Variants in PCDHGB5 observed in about 807,000 individuals in gnomAD.
The protein encoded by PCDHGB5 is protocadherin gamma-B5.
Under a neutral mutation model 62.9 loss-of-function variants are expected in PCDHGB5, and 48 were observed. That is an observed-to-expected ratio of 0.76 (90% CI 0.61 to 0.97). The LOEUF (loss-of-function observed/expected upper bound fraction) is 0.97. Among genes scored for constraint, PCDHGB5 ranks in the 50% least tolerant of loss-of-function variants. PCDHGB5 has a pLI of 0.00. For synonymous variants in PCDHGB5, 474 were observed against 511.2 expected, an observed-to-expected ratio of 0.93 and a Z score of 0.98; for missense variants, 1,118 against 1,198.6, an observed-to-expected ratio of 0.93 and a Z score of 0.99.
intron 1 of PCDHGB5, among the ~76,000 whole-genome samples, chr5:141,460,110 A>G (rs966038979): frequency 2.0e-5 from 3 of 151,894 alleles, no homozygotes; most frequent in African/African-American, 7.2e-5. Context: ...ATTATATATG[A>G]TTTTTATATA....
rs777568111 is a variant in PCDHGB5 at position 141,404,292 on chromosome 5, A to G, written c.2397+3768A>G. On this transcript the variant is annotated intron_variant, in intron 1 of 3. Coordinates refer to ENST00000617380, the MANE Select transcript of PCDHGB5 (RefSeq NM_018925.3). ...ACCCTGCAAGTGACTGACATCAATG[A>G]TAATCCACCTGCTTTCTCTCAAGCC... 2.5e-6 allele frequency: 4 copies of G among 1,613,864 alleles called. No homozygotes were observed. Among genetic ancestry groups the G allele is most frequent in the South Asian group, 1.1e-5 (1 of 91,082 alleles).
At position 141,399,508 on chromosome 5, in the gene PCDHGB5, A is replaced by C. The variant is rs780948105; in HGVS notation, c.1381A>C (p.Asn461His). ...CTACTTAGTCAGTGTACCCGAAAAC[A>C]ACCCTCCTGGGGCCTCCATCGCGCA... ...ASYLVSVPEN[N>H]PPGASIAQVC... Residue 461 changes from asparagine to histidine, a missense_variant, in exon 1 of 4, where the codon AAC (asparagine) becomes CAC (histidine). Coordinates refer to ENST00000617380, the MANE Select transcript of PCDHGB5 (RefSeq NM_018925.3). 3.2e-5 allele frequency: 51 copies of C among 1,613,904 alleles called. No homozygotes were observed. In the African/African-American group the frequency reaches 6.7e-4, roughly 21 times the overall value.
At chr5:141,442,417 T>A (rs2098323611) in intron 1 of PCDHGB5, 1 of 152,152 alleles carries the variant, frequency 6.6e-6, no homozygotes, top group Non-Finnish European at 1.5e-5. Flanking sequence ...TGAGTGAACT[T>A]CTTTTTTGAA....
At chr5:141,456,492 G>C (rs542424798) in intron 1 of PCDHGB5, among the ~76,000 whole-genome samples, 1 of 152,284 alleles carries the variant, frequency 6.6e-6, no homozygotes, top group African/African-American at 2.4e-5. Flanking sequence ...GCTTAATAAA[G>C]GGGTTAACCA....
rs141397385 is a variant in PCDHGB5 at position 141,476,135 on chromosome 5, A to C, written c.2398-18672A>C. 8.4e-4 allele frequency: 1,352 copies of C among 1,608,526 alleles called. 1 individual carries two copies. Among genetic ancestry groups the C allele is most frequent in the Non-Finnish European group, 1.1e-3 (1,319 of 1,178,332 alleles). On this transcript the variant is annotated intron_variant, in intron 1 of 3. Transcript: ENST00000617380. This position sits in a 1 kb window ranked among gnomAD's most constrained non-coding sequence, Gnocchi z 7.6. ...GAGTGAGATGGTCCCAGAGGCCTGG[A>C]GGAGCGGACTGGTAAGCACCGGGAG...
chr5:141,427,712 C>T, intron 1 of PCDHGB5: 2 of 1,051,468 alleles, frequency 1.9e-6, no homozygotes, highest in African/African-American at 1.6e-5. Context: ...GCGCCTCTGA[C>T]CTGGACCTAG....
intron 1 of PCDHGB5, among the ~76,000 whole-genome samples, chr5:141,467,075 C>A (rs2099136382): frequency 6.9e-6 from 1 of 145,470 alleles, no homozygotes; most frequent in Non-Finnish European, 1.5e-5. Flanking sequence ...TTTTTTTAGA[C>A]CAAGTCTCAC....
At chr5:141,501,423 A>G (rs1195105794) in intron 2 of PCDHGB5, among the ~76,000 whole-genome samples, 4 of 151,966 alleles carry the variant, frequency 2.6e-5, no homozygotes, top group African/African-American at 7.2e-5. Flanking sequence ...AGTTGACTAA[A>G]TGTAGTCCAT....
At chr5:141,427,898 C>T in intron 1 of PCDHGB5, 4 of 1,570,874 alleles carry the variant, frequency 2.5e-6, no homozygotes, top group African/African-American at 1.3e-5. Flanking sequence ...AGGGCTCGCC[C>T]GCGCTCAGCG....
chr5:141,408,443 A>G (rs1486863170), intron 1 of PCDHGB5: 1 of 1,613,956 alleles, frequency 6.2e-7, no homozygotes, highest in Non-Finnish European at 8.5e-7. Flanking sequence ...AGACGCGGAG[A>G]GCGGGGACTT....
In PCDHGB5 at chr5:141,399,010, G is replaced by C; in HGVS notation, c.883G>C (p.Gly295Arg). The C allele has an allele frequency of 6.2e-7, 1 of 1,613,844 alleles. No individual in the cohort carries two copies. The highest frequency in any genetic ancestry group is 8.5e-7 in the Non-Finnish European group (1 of 1,179,892). ...GQIFSLNSKS[G>R]EITTQKKLDF... The stretch of plus-strand genomic sequence containing the variant: ...AATCTTTAGTCTGAATTCAAAGAGC[G>C]GAGAAATTACCACTCAAAAGAAACT... Residue 295 changes from glycine to arginine, a missense_variant, in exon 1 of 4, where the codon GGA (glycine) becomes CGA (arginine). By Grantham distance (125) the Gly-to-Arg change is moderately radical (BLOSUM62 -2). This residue lies in a region of PCDHGB5 where 1,034 missense variants were observed against 1,029.1 expected (regional missense o/e 1.00). Coordinates refer to ENST00000617380, the MANE Select transcript of PCDHGB5 (RefSeq NM_018925.3).
rs2093763814 is a variant in PCDHGB5 at position 141,399,174 on chromosome 5, T to C, written c.1047T>C (p.Leu349=). The part of the protein sequence containing the change: ...NSPEVTFHSL[L]EMILENAVPG... ...CAGAAGTTACATTCCATTCTCTACT[T>C]GAAATGATTCTGGAAAACGCGGTGC... The change falls in exon 1 of 4, where the codon CTT becomes CTC. Residue 349 remains leucine, a synonymous_variant. Transcript: ENST00000617380. 6.2e-7 allele frequency: 1 copy of C among 1,613,700 alleles called. No homozygotes were observed. Among genetic ancestry groups the C allele is most frequent in the Admixed American group, 1.7e-5 (1 of 60,006 alleles).
intron 1 of PCDHGB5, among the ~76,000 whole-genome samples, chr5:141,452,745 G>A (rs1246578948): frequency 6.6e-6 from 1 of 152,054 alleles, no homozygotes; most frequent in African/African-American, 2.4e-5. Flanking sequence ...AGAGAGAGAA[G>A]GAAGAAGGAA....
chr5:141,473,299 G>T (rs182316672), intron 1 of PCDHGB5, among the ~76,000 whole-genome samples: 5 of 152,228 alleles, frequency 3.3e-5, no homozygotes, highest in Admixed American at 1.3e-4. Flanking sequence ...GTAGCATAAA[G>T]ATTGCTATAT....
In PCDHGB5 at chr5:141,398,744, G is replaced by C. The variant is rs1561665852; in HGVS notation, c.617G>C (p.Ser206Thr). 2 of 1,613,854 alleles carry C rather than the reference G, an allele frequency of 1.2e-6. No homozygotes were observed. The highest frequency in any genetic ancestry group is 4.5e-5 in the East Asian group (2 of 44,878). The change falls in exon 1 of 4, where the codon AGT becomes ACT. Residue 206 changes from serine (S) to threonine (T), a missense_variant. Ser to Thr is a moderately conservative substitution (Grantham distance 58). Transcript: ENST00000617380. Reference protein sequence around the residue: ...LEKTLDREQQSYHRLVLTALD... With the variant: ...LEKTLDREQQTYHRLVLTALD... ...AAAACCTTAGACCGGGAACAACAGAGTTACCATCGTTTAGTCCTGACTGCC... is the reference window on the plus strand; with the variant it reads ...AAAACCTTAGACCGGGAACAACAGACTTACCATCGTTTAGTCCTGACTGCC...
At chr5:141,450,129 C>T (rs1211301953) in intron 1 of PCDHGB5, among the ~76,000 whole-genome samples, 1 of 151,472 alleles carries the variant, frequency 6.6e-6, no homozygotes, top group African/African-American at 2.4e-5. Context: ...GCCTTAGCCT[C>T]CTGAGTAGCT....
chr5:141,472,980 C>CAAAAAAAAAAAAAAAAAAGAAAAAAA (rs60579131), intron 1 of PCDHGB5, among the ~76,000 whole-genome samples: 1 of 86,106 alleles, frequency 1.2e-5, no homozygotes, highest in South Asian at 4.3e-4. Flanking sequence ...GAGTGAAACT[C>CAAAAAAAAAAAAAAAAAAGAAAAAAA]AAAAAAAAAA....
At chr5:141,433,272 C>A in intron 1 of PCDHGB5, 1 of 1,252,410 alleles carries the variant, frequency 8.0e-7, no homozygotes, top group Non-Finnish European at 1.1e-6. Context: ...TAGCTCACTG[C>A]AGCCTCAAAC....
Position 141,427,654 on chromosome 5 carries a change from TCCACGTGGC to T in PCDHGB5, c.2397+27132_2397+27140del, listed in dbSNP as rs562748605. On this transcript the variant is annotated intron_variant, in intron 1 of 3. Coordinates refer to ENST00000617380, the MANE Select transcript of PCDHGB5 (RefSeq NM_018925.3). ...GTTTTCCACCAAGTCTCCTACGTGG[TCCACGTGGC>T]CGAAAACAACCTTCCCGGAGCCTCC... 2.0e-4 allele frequency: 148 copies of T among 727,622 alleles called. No individual in the cohort carries two copies. The African/African-American group carries it at 2.4e-3, about 12-fold the overall frequency. The allele number at this position is 727,622 out of a possible 1,614,324, so 45.1% of individuals were successfully genotyped here.
Sources: allele counts gnomAD v4.1 joint callset (sites outside exome capture counted in the v4.1 genomes callset), GRCh38; gene constraint gnomAD v4.1.1; regional missense constraint gnomAD v4.1.1; non-coding constraint Gnocchi (gnomAD v3.1); transcripts MANE v1.5; gene names NCBI Gene and HGNC (gene_info 2026-07-23, HGNC 2026-07-21).